Variants in EIF5B observed in about 807,000 individuals in gnomAD.
EIF5B encodes eukaryotic translation initiation factor 5B.
EIF5B carries 47 observed loss-of-function variants against 147.5 expected under a neutral mutation model. The ratio of observed to expected loss-of-function variants is 0.32; its 90% confidence interval spans 0.25 to 0.41. The LOEUF (loss-of-function observed/expected upper bound fraction) is 0.41, where lower values mean the gene tolerates loss of function less well. EIF5B is among the 10% of genes least tolerant of loss of function. EIF5B has a pLI of 1.00. For synonymous variants in EIF5B, 455 were observed against 456.2 expected (o/e 1.00, Z 0.03); for missense variants, 1,064 against 1,413.2 (o/e 0.75, Z 3.96).
At position 99,389,702 on chromosome 2, in the gene EIF5B, GA is replaced by G. The variant is rs749141763; in HGVS notation, c.2272-10del. The stretch of plus-strand genomic sequence containing the variant: ...TGAATTTTTTAGAGATCTTTCTCAT[GA>G]AAAAACTTTTTCAGATTGATAGGTT... On this transcript the variant is annotated splice_polypyrimidine_tract_variant and intron_variant, in intron 14 of 23. Transcript: ENST00000289371. The G allele has an allele frequency of 1.0e-5, 16 of 1,580,072 alleles. No homozygotes were observed. Among genetic ancestry groups the G allele is most frequent in the East Asian group, 2.2e-5 (1 of 44,662 alleles).
At chr2:99,396,266 G>A (rs1486013492) in intron 21 of EIF5B, among the ~76,000 whole-genome samples, 4 of 152,210 alleles carry the variant, frequency 2.6e-5, no homozygotes, top group African/African-American at 7.2e-5. Context: ...CAATAAGCAG[G>A]GTAGTTATGT....
At chr2:99,368,706 C>T (rs1674377817) in intron 7 of EIF5B, 115 bp downstream of exon 7, 5 of 729,088 alleles carry the variant, frequency 6.9e-6, no homozygotes, top group Non-Finnish European at 1.1e-5. Flanking sequence ...CATATTGAAA[C>T]TTATTTTCTA....
At chr2:99,338,114 C>T (rs1159553592) in intron 1 of EIF5B, among the ~76,000 whole-genome samples, 1 of 152,088 alleles carries the variant, frequency 6.6e-6, no homozygotes, top group Non-Finnish European at 1.5e-5. Flanking sequence ...ATACAGTTTT[C>T]GTTTATTTAA....
At chr2:99,386,745 A>G (rs1268300003) in intron 14 of EIF5B, among the ~76,000 whole-genome samples, 2 of 151,778 alleles carry the variant, frequency 1.3e-5, no homozygotes, top group Non-Finnish European at 2.9e-5. Context: ...GTGTTTTAGT[A>G]AAGATGGCCA....
intron 1 of EIF5B, among the ~76,000 whole-genome samples, chr2:99,347,948 G>A (rs2094276848): frequency 8.2e-6 from 1 of 121,238 alleles, no homozygotes; most frequent in Non-Finnish European, 1.8e-5. Flanking sequence ...TAAAACAGAA[G>A]TTGCTAGAGA....
At position 99,384,917 on chromosome 2, in the gene EIF5B, A is replaced by C. The variant is rs1386138266; in HGVS notation, c.2271+1996A>C. 2.0e-5 allele frequency among the ~76,000 whole-genome samples: 3 copies of C among 152,224 alleles called. No homozygotes were observed. The East Asian group carries it at 5.8e-4, about 29-fold the overall frequency. ...GTATTGTGAACATTGTTGAAATGACAAAAAAGAATTTAGGATAGCAATCAA... is the reference window on the plus strand; with the variant it reads ...GTATTGTGAACATTGTTGAAATGACCAAAAAGAATTTAGGATAGCAATCAA... On this transcript the variant is annotated intron_variant, in intron 14 of 23. Transcript: ENST00000289371.
intron 1 of EIF5B, among the ~76,000 whole-genome samples, chr2:99,350,298 A>G (rs920897982): frequency 2.0e-5 from 3 of 152,182 alleles, no homozygotes; most frequent in Non-Finnish European, 4.4e-5. Flanking sequence ...TCCTTTGGCT[A>G]TATAGACCCA....
intron 1 of EIF5B, among the ~76,000 whole-genome samples, chr2:99,342,201 G>A (rs920924385): frequency 2.0e-5 from 3 of 151,560 alleles, no homozygotes; most frequent in African/African-American, 7.3e-5. Context: ...GCATGTTAAT[G>A]TTCTTGATAT....
At position 99,360,699 on chromosome 2, in the gene EIF5B, TAGGA is replaced by T. The variant is rs1674190835; in HGVS notation, c.246+152_246+155del. The T allele has an allele frequency of 1.2e-5, 8 of 644,684 alleles. No individual in the cohort carries two copies. In the East Asian group the frequency reaches 2.4e-4, roughly 19 times the overall value. The allele number at this position is 644,684 out of a possible 1,614,324, so 39.9% of individuals were successfully genotyped here. ...TGAAATCTGATGTCAAAGGGAAAAA[TAGGA>T]ATGTAAAGGTATTTTGTGGTATGTT... On this transcript the variant is annotated intron_variant, in intron 3 of 23. Transcript: ENST00000289371.
intron 21 of EIF5B, among the ~76,000 whole-genome samples, chr2:99,395,123 A>G (rs1189269021): frequency 6.6e-6 from 1 of 152,220 alleles, no homozygotes; most frequent in East Asian, 1.9e-4. Context: ...GGTCTTGTTA[A>G]TGGGTTCGTA....
chr2:99,383,737 G>A (rs924724163), intron 14 of EIF5B, among the ~76,000 whole-genome samples: 1 of 152,042 alleles, frequency 6.6e-6, no homozygotes, highest in Admixed American at 6.6e-5. Flanking sequence ...TGATGAAGAT[G>A]GCTACACTAA....
intron 23 of EIF5B, 132 bp from the exon 24 acceptor site, chr2:99,399,175 T>A: frequency 1.1e-6 from 1 of 897,014 alleles, no homozygotes; most frequent in South Asian, 1.7e-5. Context: ...TCTACTCCCT[T>A]AGGCAGGCAA....
rs1674213761 is a variant in EIF5B at position 99,361,493 on chromosome 2, A to G, written c.592A>G (p.Lys198Glu). 2.5e-6 allele frequency: 4 copies of G among 1,614,028 alleles called. No individual in the cohort carries two copies. The East Asian group carries it at 8.9e-5, about 36-fold the overall frequency. ...ATCAGATGAATTTTTGCAATCTAGA[A>G]AAGGACAGAAAAAAAATCAGAAAAA... ...DESDEFLQSR[K>E]GQKKNQKNKP... The change falls in exon 4 of 24, where the codon AAA becomes GAA. Residue 198 changes from lysine to glutamate, a missense_variant. Coordinates refer to ENST00000289371, the MANE Select transcript of EIF5B (RefSeq NM_015904.4).
intron 1 of EIF5B, among the ~76,000 whole-genome samples, chr2:99,340,393 G>C (rs2094256987): frequency 6.6e-6 from 1 of 152,122 alleles, no homozygotes; most frequent in South Asian, 2.1e-4. Flanking sequence ...ATTCTCCTGG[G>C]TGAAGGTCCA....
chr2:99,396,589 G>A (rs1040344633), intron 21 of EIF5B, among the ~76,000 whole-genome samples, 171 bp from the exon 22 acceptor site: 6 of 152,190 alleles, frequency 3.9e-5, no homozygotes, highest in African/African-American at 1.4e-4. Flanking sequence ...AGGAAGAAGC[G>A]CTCTGGGCAT....
chr2:99,346,136 A>G (rs186374263), intron 1 of EIF5B, among the ~76,000 whole-genome samples: 31 of 152,280 alleles, frequency 2.0e-4, no homozygotes, highest in African/African-American at 7.2e-4. Flanking sequence ...TTGTTTATGC[A>G]TCTTTAAAAT....
At chr2:99,396,179 GAT>G (rs1311708376) in intron 21 of EIF5B, among the ~76,000 whole-genome samples, 1 of 152,166 alleles carries the variant, frequency 6.6e-6, no homozygotes, top group Non-Finnish European at 1.5e-5. Context: ...GCTCACTTTA[GAT>G]CATGAAACCT....
intron 17 of EIF5B, among the ~76,000 whole-genome samples, chr2:99,392,123 T>C (rs1276911267): frequency 6.6e-6 from 1 of 152,170 alleles, no homozygotes; most frequent in Non-Finnish European, 1.5e-5. Context: ...GTTCTGTTGA[T>C]GGGAAATGTA....
At chr2:99,360,606 A>T in intron 3 of EIF5B, 57 bp downstream of exon 3, 1 of 1,555,144 alleles carries the variant, frequency 6.4e-7, no homozygotes, top group Non-Finnish European at 8.7e-7. Context: ...TTTCTTCTTA[A>T]TGTTGGTTTG....
Sources: allele counts gnomAD v4.1 joint callset (sites outside exome capture counted in the v4.1 genomes callset), GRCh38; gene constraint gnomAD v4.1.1; transcripts MANE v1.5; gene names NCBI Gene and HGNC (gene_info 2026-07-23, HGNC 2026-07-21).